The following FHIT variants were observed in gnomAD, a reference collection of about 807,000 sequenced individuals.
The protein encoded by FHIT is fragile histidine triad diadenosine triphosphatase.
Under a neutral mutation model 17.9 loss-of-function variants are expected in FHIT, and 19 were observed. The observed-to-expected ratio is 1.06, with a 90% CI of 0.74 to 1.56. The LOEUF is 1.56. Ranked by LOEUF, FHIT falls within the 40% of genes most tolerant of loss-of-function variation. The pLI is 0.00. For synonymous variants in FHIT, 81 were observed against 69.7 expected, an observed-to-expected ratio of 1.16 and a Z score of -0.81; for missense variants, 248 against 189.2, an observed-to-expected ratio of 1.31 and a Z score of -1.82.
intron 5 of FHIT, among the ~76,000 whole-genome samples, chr3:60,506,990 A>G (rs1420820415): frequency 1.3e-5 from 2 of 151,882 alleles, no homozygotes; most frequent in Non-Finnish European, 2.9e-5. Context: ...TACTATAGTG[A>G]AAAAAAAGCA....
Position 61,113,152 on chromosome 3 carries a change from C to T in FHIT, c.-163-71053G>A, listed in dbSNP as rs114394914. ...CCAAGTAACTGGGACTACAGGCGTG[C>T]ACCACCAAGACTGACTAATGTTTTT... On this transcript the variant is annotated intron_variant, in intron 2 of 9. Transcript: ENST00000492590. Among the ~76,000 whole-genome samples, 676 of 152,040 alleles carry T rather than the reference C, an allele frequency of 4.4e-3. 6 individuals carry two copies. The highest frequency in any genetic ancestry group is 0.015 in the African/African-American group (618 of 41,490).
intron 5 of FHIT, among the ~76,000 whole-genome samples, chr3:60,120,087 G>C (rs1705178406): frequency 6.6e-6 from 1 of 152,136 alleles, no homozygotes; most frequent in African/African-American, 2.4e-5. Context: ...GGCCCAGCTT[G>C]AACATCACAC....
chr3:60,278,913 T>A (rs1035286217), intron 5 of FHIT, among the ~76,000 whole-genome samples: 2 of 152,042 alleles, frequency 1.3e-5, no homozygotes, highest in African/African-American at 4.8e-5. Context: ...TTTAAAGAAC[T>A]GAACACATAT....
intron 2 of FHIT, among the ~76,000 whole-genome samples, chr3:61,048,788 T>C (rs2033912828): frequency 6.6e-6 from 1 of 152,120 alleles, no homozygotes; most frequent in African/African-American, 2.4e-5. Context: ...TGGAATACTA[T>C]GCAGCCATAA....
At position 59,792,209 on chromosome 3, in the gene FHIT, C is replaced by T. The variant is rs191258218; in HGVS notation, c.349-39888G>A. 1.4e-3 allele frequency among the ~76,000 whole-genome samples: 215 copies of T among 152,258 alleles called. 1 individual carries two copies. Among genetic ancestry groups the T allele is most frequent in the African/African-American group, 5.0e-3 (206 of 41,550 alleles). ...GAACCCCATGGAGGGTTTTGGGCCT[C>T]AGAACAGGTATATTAAACCGTCTCC... On this transcript the variant is annotated intron_variant, in intron 8 of 9. Transcript: ENST00000492590.
chr3:59,789,634 C>G (rs562202057), intron 8 of FHIT, among the ~76,000 whole-genome samples: 8 of 152,140 alleles, frequency 5.3e-5, no homozygotes, highest in Non-Finnish European at 1.2e-4. Flanking sequence ...ACATGGCTAG[C>G]CTGTGACATT....
At chr3:60,832,588 A>G (rs1702368447) in intron 3 of FHIT, among the ~76,000 whole-genome samples, 1 of 152,090 alleles carries the variant, frequency 6.6e-6, no homozygotes, top group South Asian at 2.1e-4. Context: ...AGAAAGAGAT[A>G]CATCAGGTAT....
chr3:61,054,913 A>T (rs72875937), intron 2 of FHIT, among the ~76,000 whole-genome samples: 8,525 of 152,162 alleles, frequency 0.056, 629 homozygotes, highest in African/African-American at 0.16. Context: ...CCCCTTGTAC[A>T]TGCTATTCCT....
intron 4 of FHIT, among the ~76,000 whole-genome samples, chr3:60,648,023 T>C (rs2039901224): frequency 1.3e-5 from 2 of 152,130 alleles, no homozygotes; most frequent in African/African-American, 2.4e-5. Context: ...AATGTCTCAA[T>C]ATGCAGGGTT....
intron 4 of FHIT, among the ~76,000 whole-genome samples, chr3:60,755,056 GT>G (rs1314887622): frequency 6.6e-6 from 1 of 152,280 alleles, no homozygotes; most frequent in East Asian, 1.9e-4. Flanking sequence ...CAGCATCAAA[GT>G]TATTCTCCTT....
chr3:60,793,698 G>T (rs772425168), intron 4 of FHIT, among the ~76,000 whole-genome samples: 5 of 152,186 alleles, frequency 3.3e-5, no homozygotes, highest in Non-Finnish European at 7.3e-5. Context: ...CCAAGCGAGG[G>T]TGTGATTCAG....
chr3:60,182,330 A>T (rs1223230636), intron 5 of FHIT, among the ~76,000 whole-genome samples: 2 of 152,222 alleles, frequency 1.3e-5, no homozygotes, highest in African/African-American at 4.8e-5. Flanking sequence ...TTCTCACAAT[A>T]AACCAAATAT....
intron 8 of FHIT, among the ~76,000 whole-genome samples, chr3:59,754,498 CATCTT>C (rs113166576): frequency 0.033 from 5,021 of 152,228 alleles, 298 homozygotes; most frequent in African/African-American, 0.11. Flanking sequence ...GTTATAAATC[CATCTT>C]ATCTTATAAC....
chr3:60,552,370 A>G (rs900696160), intron 4 of FHIT, among the ~76,000 whole-genome samples: 2 of 151,992 alleles, frequency 1.3e-5, no homozygotes, highest in African/African-American at 4.8e-5. Flanking sequence ...TCATGTGGGA[A>G]CTCTGTATTT....
At chr3:60,935,603 T>C (rs1708156961) in intron 3 of FHIT, among the ~76,000 whole-genome samples, 1 of 152,226 alleles carries the variant, frequency 6.6e-6, no homozygotes, top group Non-Finnish European at 1.5e-5. Context: ...GCATTGGATG[T>C]GTCCCGGCTG....
chr3:60,963,114 A>G (rs1284837174), intron 3 of FHIT, among the ~76,000 whole-genome samples: 1 of 152,116 alleles, frequency 6.6e-6, no homozygotes, highest in African/African-American at 2.4e-5. Context: ...AGAGCCTGTT[A>G]TTGGTCTATT....
intron 3 of FHIT, among the ~76,000 whole-genome samples, chr3:60,885,875 A>G (rs1169500214): frequency 6.6e-6 from 1 of 152,104 alleles, no homozygotes; most frequent in East Asian, 1.9e-4. Flanking sequence ...CCTCTGACAC[A>G]TTCATATGTT....
chr3:60,767,313 A>G (rs1553721750), intron 4 of FHIT, among the ~76,000 whole-genome samples: 1 of 152,198 alleles, frequency 6.6e-6, no homozygotes, highest in East Asian at 1.9e-4. Context: ...AGACACCACA[A>G]TGATGACCAT....
At chr3:59,762,412 T>C (rs770078051) in intron 8 of FHIT, among the ~76,000 whole-genome samples, 11 of 152,156 alleles carry the variant, frequency 7.2e-5, no homozygotes, top group Non-Finnish European at 1.2e-4. Context: ...TGCTAGCTCA[T>C]CATCCCCATT....
Sources: allele counts gnomAD v4.1 joint callset (sites outside exome capture counted in the v4.1 genomes callset), GRCh38; gene constraint gnomAD v4.1.1; transcripts MANE v1.5; gene names NCBI Gene and HGNC (gene_info 2026-07-23, HGNC 2026-07-21).